DIAPH3: variants seen among roughly 807,000 people sequenced by gnomAD.
DIAPH3 encodes the protein diaphanous related formin 3.
In DIAPH3, 117 loss-of-function variants were observed where a neutral mutation model predicts 144.3. That is an observed-to-expected ratio of 0.81 (90% CI 0.70 to 0.95). DIAPH3 has a LOEUF of 0.95. Among genes scored for constraint, DIAPH3 ranks in the 40% least tolerant of loss-of-function variants. DIAPH3 has a pLI of 0.00. For synonymous variants in DIAPH3, 519 were observed against 488.9 expected (o/e 1.06, Z -0.81); for missense variants, 1,421 against 1,412.7 (o/e 1.01, Z -0.09).
At chr13:59,921,087 C>T (rs190174773) in intron 18 of DIAPH3, among the ~76,000 whole-genome samples, 1 of 149,194 alleles carries the variant, frequency 6.7e-6, no homozygotes, top group Non-Finnish European at 1.5e-5. Flanking sequence ...TGGGATATAG[C>T]AAAAGCAGAT....
chr13:59,769,805 C>A (rs1416407149), intron 27 of DIAPH3, among the ~76,000 whole-genome samples: 2 of 152,024 alleles, frequency 1.3e-5, no homozygotes, highest in Admixed American at 6.6e-5. Context: ...GATTTCTTAA[C>A]ACTCAAACAC....
chr13:59,833,492 A>G (rs1229695452), intron 23 of DIAPH3, among the ~76,000 whole-genome samples: 1 of 151,820 alleles, frequency 6.6e-6, no homozygotes, highest in African/African-American at 2.4e-5. Flanking sequence ...ATTAGAAAAG[A>G]TTTATATATT....
chr13:59,669,649 G>A (rs1039150632), intron 27 of DIAPH3, among the ~76,000 whole-genome samples: 8 of 152,066 alleles, frequency 5.3e-5, no homozygotes, highest in Admixed American at 3.3e-4. Context: ...TCTCTCTGCT[G>A]CATTGTAAAG....
chr13:59,708,974 A>C (rs985545807), intron 27 of DIAPH3, among the ~76,000 whole-genome samples: 1 of 152,200 alleles, frequency 6.6e-6, no homozygotes, highest in Non-Finnish European at 1.5e-5. Flanking sequence ...ATAAAGATGA[A>C]TAAAGAAACT....
At chr13:59,921,918 T>C (rs2047537626) in intron 18 of DIAPH3, among the ~76,000 whole-genome samples, 1 of 152,094 alleles carries the variant, frequency 6.6e-6, no homozygotes, top group South Asian at 2.1e-4. Flanking sequence ...AATCAGTAAA[T>C]GTGACACACC....
intron 18 of DIAPH3, among the ~76,000 whole-genome samples, chr13:59,919,186 C>T (rs1261354848): frequency 6.6e-6 from 1 of 151,858 alleles, no homozygotes; most frequent in Non-Finnish European, 1.5e-5. Context: ...TATTGGACAG[C>T]ATTAAAGAGC....
intron 5 of DIAPH3, among the ~76,000 whole-genome samples, chr13:60,022,630 A>ATC (rs2054108702): frequency 1.3e-5 from 2 of 152,082 alleles, no homozygotes; most frequent in South Asian, 4.1e-4. Flanking sequence ...CTCTTCCTGT[A>ATC]TCTCTGCCTT....
intron 18 of DIAPH3, among the ~76,000 whole-genome samples, chr13:59,922,860 TTC>T (rs2047582021): frequency 6.6e-6 from 1 of 152,164 alleles, no homozygotes; most frequent in African/African-American, 2.4e-5. Flanking sequence ...AAAAATGTTA[TTC>T]TGTTTTCTGT....
chr13:60,143,622 C>T (rs540174427), intron 1 of DIAPH3, among the ~76,000 whole-genome samples: 7 of 152,274 alleles, frequency 4.6e-5, no homozygotes, highest in African/African-American at 1.4e-4. Flanking sequence ...CCTCTAGGGC[C>T]CCATAACCAG....
intron 1 of DIAPH3, among the ~76,000 whole-genome samples, chr13:60,157,309 T>C (rs1817161964): frequency 6.6e-6 from 1 of 152,144 alleles, no homozygotes; most frequent in Admixed American, 6.5e-5. Context: ...AGGCTAGCTA[T>C]CCTCATGACC....
chr13:60,004,316 A>G (rs1282724185), intron 9 of DIAPH3, among the ~76,000 whole-genome samples: 2 of 152,194 alleles, frequency 1.3e-5, no homozygotes, highest in African/African-American at 4.8e-5. Context: ...CTCAAAATTT[A>G]CTTTATTTGT....
intron 2 of DIAPH3, among the ~76,000 whole-genome samples, chr13:60,123,900 T>C (rs1295381286): frequency 6.6e-6 from 1 of 152,198 alleles, no homozygotes; most frequent in Non-Finnish European, 1.5e-5. Flanking sequence ...GGTTGAGCCT[T>C]TATTTTTAAA....
chr13:59,912,631 A>G (rs982684076), intron 19 of DIAPH3, among the ~76,000 whole-genome samples: 2 of 152,212 alleles, frequency 1.3e-5, no homozygotes, highest in East Asian at 1.9e-4. Flanking sequence ...ATCAACTATA[A>G]TAGCGTTACA....
At chr13:59,865,780 C>A (rs992145950) in intron 21 of DIAPH3, among the ~76,000 whole-genome samples, 9 of 151,924 alleles carry the variant, frequency 5.9e-5, no homozygotes, top group Admixed American at 2.6e-4. Flanking sequence ...GTATTCAGCA[C>A]AAATCTGGAT....
intron 27 of DIAPH3, among the ~76,000 whole-genome samples, chr13:59,769,748 C>A (rs1212133563): frequency 1.3e-5 from 2 of 151,982 alleles, no homozygotes; most frequent in Non-Finnish European, 2.9e-5. Context: ...TGGTGTCAGA[C>A]CCGCAATATA....
At chr13:59,779,241 T>G (rs1471453279) in intron 25 of DIAPH3, among the ~76,000 whole-genome samples, 1 of 152,204 alleles carries the variant, frequency 6.6e-6, no homozygotes, top group Non-Finnish European at 1.5e-5. Context: ...TAGTCTGAGC[T>G]TTCAACTAAC....
chr13:59,927,618 T>C (rs538572090), intron 17 of DIAPH3, among the ~76,000 whole-genome samples: 3 of 152,286 alleles, frequency 2.0e-5, no homozygotes, highest in South Asian at 4.1e-4. Flanking sequence ...GGAAAGACTA[T>C]TTCTCCCTCA....
At chr13:59,827,745 T>C (rs192072884) in intron 24 of DIAPH3, among the ~76,000 whole-genome samples, 2 of 151,976 alleles carry the variant, frequency 1.3e-5, no homozygotes, top group Non-Finnish European at 2.9e-5. Flanking sequence ...AGCAATTAGA[T>C]CAAAATCCTC....
At chr13:59,956,202 T>A (rs545410741) in intron 17 of DIAPH3, among the ~76,000 whole-genome samples, 65 of 152,318 alleles carry the variant, frequency 4.3e-4, no homozygotes, top group African/African-American at 1.6e-3. Flanking sequence ...AGGAGCCAAA[T>A]GTTAATCACC....
Sources: allele counts gnomAD v4.1 joint callset (sites outside exome capture counted in the v4.1 genomes callset), GRCh38; gene constraint gnomAD v4.1.1; transcripts MANE v1.5; gene names NCBI Gene and HGNC (gene_info 2026-07-23, HGNC 2026-07-21).